Variants in PTPN18 observed in about 807,000 individuals in gnomAD.
The protein encoded by PTPN18 is protein tyrosine phosphatase non-receptor type 18.
Under a neutral mutation model 65.4 loss-of-function variants are expected in PTPN18, and 65 were observed. That is an observed-to-expected ratio of 0.99 (90% CI 0.81 to 1.22). The LOEUF (loss-of-function observed/expected upper bound fraction) is 1.22, where lower values mean the gene tolerates loss of function less well. Ranked by LOEUF, PTPN18 falls within the 50% of genes most tolerant of loss-of-function variation. PTPN18 has a pLI of 0.00. For missense variants in PTPN18, 616 were observed against 646.5 expected, an observed-to-expected ratio of 0.95 and a Z score of 0.51; for synonymous variants, 255 against 267.8, an observed-to-expected ratio of 0.95 and a Z score of 0.47.
At chr2:130,369,987 C>G (rs1303597991) in intron 7 of PTPN18, 61 bp from the exon 8 acceptor site, 15 of 1,598,938 alleles carry the variant, frequency 9.4e-6, no homozygotes, top group African/African-American at 1.3e-5. Flanking sequence ...TAGTAGATGG[C>G]CAATTAATGC....
At chr2:130,356,612 T>C (rs1356016846) in intron 1 of PTPN18, 9 of 474,954 alleles carry the variant, frequency 1.9e-5, no homozygotes, top group Non-Finnish European at 3.0e-5. Flanking sequence ...AGGAAGGGGC[T>C]GCAGCAGGGC....
rs371739121 is a variant in PTPN18 at position 130,358,888 on chromosome 2, G to T, written c.115G>T (p.Ala39Ser). 1.9e-6 allele frequency: 3 copies of T among 1,613,492 alleles called. No individual in the cohort carries two copies. The highest frequency in any genetic ancestry group is 2.2e-5 in the East Asian group (1 of 44,874). Reference protein sequence around the residue: ...EFSDIQACSAAWKADGVCSTV... With the variant: ...EFSDIQACSASWKADGVCSTV... ...CCAGGACATCCAGGCCTGCTCGGCCGCCTGGAAGGCTGACGGCGTGTGCTC... is the reference window on the plus strand; with the variant it reads ...CCAGGACATCCAGGCCTGCTCGGCCTCCTGGAAGGCTGACGGCGTGTGCTC... The change falls in exon 2 of 15, where the codon GCC becomes TCC. Residue 39 changes from alanine to serine, a missense_variant. Ala to Ser is a moderately conservative substitution (Grantham distance 99). This residue lies in a region of PTPN18 where 223 missense variants were observed against 210.0 expected (regional missense o/e 1.06). Coordinates refer to ENST00000175756, the MANE Select transcript of PTPN18 (RefSeq NM_014369.4).
At chr2:130,367,517 T>C (rs985432453) in intron 5 of PTPN18, among the ~76,000 whole-genome samples, 17 of 151,744 alleles carry the variant, frequency 1.1e-4, no homozygotes, top group Non-Finnish European at 2.1e-4. Context: ...CTACTAAAAA[T>C]ACAAAAAAAG....
At chr2:130,365,955 G>A (rs1052462880) in intron 5 of PTPN18, among the ~76,000 whole-genome samples, 4 of 152,214 alleles carry the variant, frequency 2.6e-5, no homozygotes, top group South Asian at 4.1e-4. Flanking sequence ...GTGTAACATA[G>A]TTTTGATTAT....
chr2:130,368,911 T>G (rs1573864465), intron 5 of PTPN18: 1 of 439,696 alleles, frequency 2.3e-6, no homozygotes, highest in South Asian at 4.2e-5. Flanking sequence ...AGTGGGAGGG[T>G]ATCCTGGACT....
chr2:130,372,115 TCCAACCCAAGGAGCCC>T (rs1680583463), intron 12 of PTPN18, 126 bp from the exon 13 acceptor site: 3 of 761,176 alleles, frequency 3.9e-6, no homozygotes, highest in Non-Finnish European at 6.1e-6. Context: ...AAGCGAGGCC[TCCAACCCAAGGAGCCC>T]TCCCTCCCAT....
chr2:130,359,955 A>G (rs887134292), intron 5 of PTPN18: 5 of 408,714 alleles, frequency 1.2e-5, no homozygotes, highest in Non-Finnish European at 2.3e-5. Flanking sequence ...ACTCCACTCT[A>G]ACAACTCTGG....
chr2:130,359,071 C>T (rs969920121), intron 2 of PTPN18, 96 bp downstream of exon 2: 21 of 1,457,124 alleles, frequency 1.4e-5, no homozygotes, highest in Admixed American at 5.4e-5. Flanking sequence ...GTGCTCTCCT[C>T]CCAGAGCCTC....
Position 130,370,089 on chromosome 2 carries a change from A to C in PTPN18, c.588A>C (p.Pro196=), listed in dbSNP as rs769352529. 15 of 1,614,042 alleles carry C rather than the reference A, an allele frequency of 9.3e-6. No homozygotes were observed. In the Middle Eastern group the frequency reaches 4.9e-4, roughly 53 times the overall value. The part of the protein sequence containing the change: ...SVYQLQYMSW[P]DRGVPSSPDH... ...ACCAGCTACAGTATATGTCCTGGCC[A>C]GACCGTGGGGTCCCCAGCAGTCCTG... The change falls in exon 8 of 15, where the codon CCA becomes CCC. Residue 196 remains proline, a synonymous_variant. Coordinates refer to ENST00000175756, the MANE Select transcript of PTPN18 (RefSeq NM_014369.4).
Position 130,364,797 on chromosome 2 carries a change from A to AAAC in PTPN18, c.415-4315_415-4313dup, listed in dbSNP as rs144620334. On this transcript the variant is annotated intron_variant, in intron 5 of 14. Coordinates refer to ENST00000175756, the MANE Select transcript of PTPN18 (RefSeq NM_014369.4). ...GGCGACAGAGCGAGACTCCGTCTCA[A>AAAC]AACAACAACAACAACAACAACAAAA... Among the ~76,000 whole-genome samples the AAAC allele has an allele frequency of 8.4e-3, 1,272 of 152,128 alleles. 14 individuals are homozygous for AAAC. The highest frequency in any genetic ancestry group is 0.048 in the Middle Eastern group (14 of 294).
chr2:130,365,953 T>C (rs530741242), intron 5 of PTPN18, among the ~76,000 whole-genome samples: 152 of 152,356 alleles, frequency 1.0e-3, no homozygotes, highest in South Asian at 1.7e-3. Flanking sequence ...CAGTGTAACA[T>C]AGTTTTGATT....
rs1032118242 is a variant in PTPN18, at chr2:130,356,157, C to T, written c.50C>T (p.Ala17Val). The T allele has an allele frequency of 1.1e-5, 14 of 1,313,200 alleles. No homozygotes were observed. Among genetic ancestry groups the T allele is most frequent in the African/African-American group, 4.6e-5 (3 of 64,806 alleles). The allele number at this position is 1,313,200 out of a possible 1,614,324, so 81.3% of individuals were successfully genotyped here. A position where few individuals can be genotyped will look rare whatever the true frequency, so the allele number is the denominator to read the frequency against. ...CGGAGCTTCCTGGAGCGGCTGGAAG[C>T]GCGGGGCGGCCGGGAGGGGGCAGTC... ...SARSFLERLE[A>V]RGGREGAVLA... is the part of the protein sequence containing the mutation. Residue 17 changes from alanine (A) to valine (V), a missense_variant, in exon 1 of 15, where the codon GCG becomes GTG. By Grantham distance (64) the Ala-to-Val change is moderately conservative. Around this residue, in one of 3 missense-constraint regions of PTPN18, gnomAD observed 223 missense variants for 210.0 expected, o/e 1.06. Transcript: ENST00000175756.
In PTPN18 at chr2:130,361,557, T is replaced by TCTTTCTTTC. The variant is rs1553458554; in HGVS notation, c.414+1939_414+1947dup. On this transcript the variant is annotated intron_variant, in intron 5 of 14. Transcript: ENST00000175756. ...TTCTTTCTTTCTTTCTTTCTTTCTT[T>TCTTTCTTTC]CTTTCTTTCCTTTCTTTCCTTTCTT... Among the ~76,000 whole-genome samples, 258 of 78,448 alleles carry TCTTTCTTTC rather than the reference T, an allele frequency of 3.3e-3. 1 individual carries two copies. Among genetic ancestry groups the TCTTTCTTTC allele is most frequent in the East Asian group, 0.015 (38 of 2,538 alleles). 51.5% of individuals were successfully genotyped at this position (78,448 alleles called of 152,430 possible).
chr2:130,356,468 C>A, intron 1 of PTPN18: 1 of 509,610 alleles, frequency 2.0e-6, no homozygotes, highest in Non-Finnish European at 3.7e-6. Context: ...GTCCTCGTCG[C>A]GCTCCCGGAA....
chr2:130,371,360 C>T, intron 12 of PTPN18, 73 bp downstream of exon 12: 1 of 1,288,756 alleles, frequency 7.8e-7, no homozygotes, highest in Non-Finnish European at 1.1e-6. Context: ...CTTGGAACAC[C>T]AGTCCGTTCC....
rs1558840670 is a variant in PTPN18 at position 130,359,230 on chromosome 2, C to T, written c.203-3C>T. ...CCACGTTTCTCACCTTATCTGCTGA[C>T]AGATGATCAGACGCGAGTAATCCTC... On this transcript the variant is annotated splice_region_variant and splice_polypyrimidine_tract_variant and intron_variant, in intron 2 of 14. Transcript: ENST00000175756. 6.2e-7 allele frequency: 1 copy of T among 1,614,000 alleles called. No homozygotes were observed. The highest frequency in any genetic ancestry group is 8.5e-7 in the Non-Finnish European group (1 of 1,180,016).
intron 5 of PTPN18, 186 bp from the exon 6 acceptor site, chr2:130,368,947 G>A (rs1385932546): frequency 1.1e-5 from 6 of 558,248 alleles, no homozygotes; most frequent in East Asian, 8.8e-5. Context: ...GGTCAGCAGC[G>A]CACCTCCATT....
chr2:130,364,402 T>C (rs1680319606), intron 5 of PTPN18, among the ~76,000 whole-genome samples: 2 of 152,232 alleles, frequency 1.3e-5, no homozygotes, highest in South Asian at 4.1e-4. Context: ...GGCCAAATAA[T>C]ATTTCATTGT....
Position 130,359,415 on chromosome 2 carries a change from G to A in PTPN18, c.298G>A (p.Ala100Thr), listed in dbSNP as rs1187799310. The A allele has an allele frequency of 3.1e-6, 5 of 1,614,192 alleles. No homozygotes were observed. The highest frequency in any genetic ancestry group is 2.2e-5 in the East Asian group (1 of 44,884). ...TCACCAGGGCGTGGATGGAAGCCTG[G>A]CCTACATTGCCACGCAAGGACCCTT... ...NFIRGVDGSL[A>T]YIATQGPLPH... is the part of the protein sequence containing the mutation. The change falls in exon 4 of 15, where the codon GCC becomes ACC. Residue 100 changes from alanine (A) to threonine (T), a missense_variant. Transcript: ENST00000175756.
Sources: gnomAD v4.1 joint callset for allele counts (sites outside exome capture counted in the v4.1 genomes callset) on GRCh38, gnomAD v4.1.1 for gene constraint, gnomAD v4.1.1 regional missense constraint, MANE v1.5 for transcripts, NCBI Gene and HGNC (gene_info 2026-07-23, HGNC 2026-07-21) for gene names.